Variants in IL1R1 observed in about 807,000 individuals in gnomAD.
The protein encoded by IL1R1 is interleukin-1 receptor type 1.
IL1R1 carries 22 observed loss-of-function variants against 50.2 expected under a neutral mutation model. That is an observed-to-expected ratio of 0.44 (90% CI 0.31 to 0.63). The LOEUF (loss-of-function observed/expected upper bound fraction) is 0.63, where lower values mean the gene tolerates loss of function less well. Among genes scored for constraint, IL1R1 ranks in the 20% least tolerant of loss-of-function variants. The pLI, the probability that IL1R1 is intolerant of heterozygous loss-of-function variation, is 0.07. For synonymous variants in IL1R1, 251 were observed against 236.7 expected (o/e 1.06, Z -0.55); for missense variants, 509 against 676.2 (o/e 0.75, Z 2.74).
Position 102,098,971 on chromosome 2 carries a change from G to A in IL1R1, c.-84+28438G>A, listed in dbSNP as rs569083608. ...ATAAGTCAGATGCATTTATTGGGTT[G>A]TGACTCATACTTAGAACCTGACATA... On this transcript the variant is annotated intron_variant, in intron 1 of 11. Coordinates refer to the IL1R1 transcript ENST00000409929. Among the ~76,000 whole-genome samples, 18 of 152,282 alleles carry A rather than the reference G, an allele frequency of 1.2e-4. No individual in the cohort carries two copies. The South Asian group carries it at 3.5e-3, about 30-fold the overall frequency.
chr2:102,092,345 T>G (rs779803691), intron 1 of IL1R1, among the ~76,000 whole-genome samples: 4 of 152,176 alleles, frequency 2.6e-5, no homozygotes, highest in Non-Finnish European at 4.4e-5. Context: ...TTTCCGCTCC[T>G]AGTCGTTTTC....
chr2:102,100,979 G>A (rs942514899), upstream of IL1R1, among the ~76,000 whole-genome samples: 3 of 152,108 alleles, frequency 2.0e-5, no homozygotes, highest in Non-Finnish European at 2.9e-5. Flanking sequence ...AGTGGCCATC[G>A]GGGATGGCAT....
chr2:102,100,803 A>G (rs1013563447), upstream of IL1R1, among the ~76,000 whole-genome samples: 2 of 152,216 alleles, frequency 1.3e-5, no homozygotes, highest in African/African-American at 4.8e-5. Flanking sequence ...TGAAGAATTA[A>G]GGGATGGCAT....
At chr2:102,070,771 T>C (rs1678679955) in intron 1 of IL1R1, among the ~76,000 whole-genome samples, 1 of 152,112 alleles carries the variant, frequency 6.6e-6, no homozygotes, top group Non-Finnish European at 1.5e-5. Context: ...TGAAGAGTCA[T>C]TTTGTCCCAG....
chr2:102,123,614 A>G (rs1374770576), intron 1 of IL1R1, among the ~76,000 whole-genome samples: 7 of 151,940 alleles, frequency 4.6e-5, no homozygotes, highest in Non-Finnish European at 2.9e-5. Context: ...CACCTCTACT[A>G]AAAATACAAA....
chr2:102,176,692 A>G lies in IL1R1; in HGVS notation c.1643A>G (p.Lys548Arg). Residue 548 changes from lysine (K) to arginine (R), a missense_variant, in exon 12 of 12, where the codon AAA becomes AGA. Coordinates refer to ENST00000410023, the MANE Select transcript of IL1R1 (RefSeq NM_000877.4). ...MPVQRRSPSS[K>R]HQLLSPATKE... ...GTCCAGCGACGGTCACCTTCATCTAAACACCAGTTACTGTCACCAGCCACT... is the reference window on the plus strand; with the variant it reads ...GTCCAGCGACGGTCACCTTCATCTAGACACCAGTTACTGTCACCAGCCACT... 1 of 1,614,148 alleles carries G rather than the reference A, an allele frequency of 6.2e-7. No homozygotes were observed. Among genetic ancestry groups the G allele is most frequent in the Non-Finnish European group, 8.5e-7 (1 of 1,180,006 alleles).
At chr2:102,091,593 C>T (rs1679669299) in intron 1 of IL1R1, among the ~76,000 whole-genome samples, 1 of 152,086 alleles carries the variant, frequency 6.6e-6, no homozygotes, top group Non-Finnish European at 1.5e-5. Context: ...GGAGTATCTG[C>T]CATCTTGAGT....
At chr2:102,098,042 T>A (rs191325144) in intron 1 of IL1R1, among the ~76,000 whole-genome samples, 38 of 152,164 alleles carry the variant, frequency 2.5e-4, no homozygotes, top group Admixed American at 4.6e-4. Context: ...GTATAACCCG[T>A]GGAGATTTTA....
chr2:102,078,785 A>C (rs1317196014), intron 1 of IL1R1, among the ~76,000 whole-genome samples: 2 of 152,146 alleles, frequency 1.3e-5, no homozygotes, highest in Admixed American at 1.3e-4. Flanking sequence ...TGAAAACATC[A>C]TATGAAAAGT....
At chr2:102,088,296 C>T (rs991442912) in intron 1 of IL1R1, among the ~76,000 whole-genome samples, 25 of 152,190 alleles carry the variant, frequency 1.6e-4, no homozygotes, top group African/African-American at 5.6e-4. Context: ...GTCAAAATTA[C>T]CTCTTGATCC....
chr2:102,109,414 G>GT (rs936714266), intron 1 of IL1R1, among the ~76,000 whole-genome samples: 1 of 149,266 alleles, frequency 6.7e-6, no homozygotes, highest in African/African-American at 2.6e-5. Flanking sequence ...GAGAAGTTCA[G>GT]TAAGTTTCCC....
intron 3 of IL1R1, among the ~76,000 whole-genome samples, chr2:102,159,055 G>A (rs574840051): frequency 9.2e-5 from 14 of 152,340 alleles, no homozygotes; most frequent in African/African-American, 3.1e-4. Context: ...TTTGGCCTGC[G>A]CAAACGCAAG....
chr2:102,107,065 T>C (rs1216659371), intron 1 of IL1R1, among the ~76,000 whole-genome samples: 5 of 152,204 alleles, frequency 3.3e-5, no homozygotes, highest in Admixed American at 3.3e-4. Flanking sequence ...AGATCCCTGC[T>C]GCTAAATTAA....
rs1456231911 is a variant in IL1R1 at position 102,179,371 on chromosome 2, GA to G, written c.*2616del. 1 of 152,288 alleles carries G rather than the reference GA, an allele frequency of 6.6e-6. No individual in the cohort carries two copies. Among genetic ancestry groups the G allele is most frequent in the Non-Finnish European group, 1.5e-5 (1 of 68,038 alleles). The allele number at this position is 152,288 out of a possible 1,614,324, so 9.4% of individuals were successfully genotyped here. ...GCGTGGGTGGAGGAAGATCCAAACAGAAAAGTGCAAAGTTATTCCCCATCTT... is the reference window on the plus strand; with the variant it reads ...GCGTGGGTGGAGGAAGATCCAAACAGAAAGTGCAAAGTTATTCCCCATCTT... On this transcript the variant is annotated 3_prime_UTR_variant, in exon 12 of 12. Coordinates refer to ENST00000410023, the MANE Select transcript of IL1R1 (RefSeq NM_000877.4).
chr2:102,100,394 C>T (rs114567036), upstream of IL1R1, among the ~76,000 whole-genome samples: 754 of 152,276 alleles, frequency 5.0e-3, 4 homozygotes, highest in African/African-American at 0.018. Context: ...GGAACTGAGC[C>T]TGAGGCTTTC....
intron 1 of IL1R1, among the ~76,000 whole-genome samples, chr2:102,074,458 G>A (rs778165932): frequency 7.3e-5 from 8 of 109,264 alleles, no homozygotes; most frequent in Non-Finnish European, 1.1e-4. Context: ...CTCTCCAGCC[G>A]GGTGGCCTAT....
At chr2:102,083,760 A>G (rs889491479) in intron 1 of IL1R1, among the ~76,000 whole-genome samples, 3 of 152,098 alleles carry the variant, frequency 2.0e-5, no homozygotes, top group African/African-American at 4.8e-5. Flanking sequence ...CCTGACCAAT[A>G]TGGTGAAACC....
intron 1 of IL1R1, among the ~76,000 whole-genome samples, chr2:102,118,289 G>T (rs528058601): frequency 6.6e-6 from 1 of 152,296 alleles, no homozygotes; most frequent in Admixed American, 6.5e-5. Context: ...CATGTGGAGG[G>T]TAGCCCACCC....
At chr2:102,176,233 T>G (rs1686120624) in intron 11 of IL1R1, 120 bp from the exon 12 acceptor site, 1 of 751,704 alleles carries the variant, frequency 1.3e-6, no homozygotes, top group Non-Finnish European at 2.1e-6. Context: ...TAATTTTAAG[T>G]AAGACAAGAA....
Sources: gnomAD v4.1 joint callset for allele counts (sites outside exome capture counted in the v4.1 genomes callset) on GRCh38, gnomAD v4.1.1 for gene constraint, MANE v1.5 for transcripts, NCBI Gene and HGNC (gene_info 2026-07-23, HGNC 2026-07-21) for gene names.